CDH13: variants seen among roughly 807,000 people sequenced by gnomAD.
CDH13 encodes the protein cadherin 13.
In CDH13, 24 loss-of-function variants were observed where a neutral mutation model predicts 63.8. The ratio of observed to expected loss-of-function variants is 0.38; its 90% CI spans 0.27 to 0.53. CDH13 has a LOEUF of 0.53. Among genes scored for constraint, CDH13 ranks in the 20% least tolerant of loss-of-function variants. The pLI is 0.85. For synonymous variants in CDH13, 503 were observed against 355.3 expected, an observed-to-expected ratio of 1.42 and a Z score of -4.67; for missense variants, 1,049 against 903.1, an observed-to-expected ratio of 1.16 and a Z score of -2.07.
At chr16:82,715,092 G>A (rs2032266923) in intron 1 of CDH13, among the ~76,000 whole-genome samples, 1 of 149,442 alleles carries the variant, frequency 6.7e-6, no homozygotes, top group Admixed American at 6.8e-5. Flanking sequence ...TGGGAACTTA[G>A]ACAGGACCCT....
At chr16:82,870,298 C>T (rs2040298213) in intron 2 of CDH13, among the ~76,000 whole-genome samples, 2 of 151,956 alleles carry the variant, frequency 1.3e-5, no homozygotes, top group Non-Finnish European at 2.9e-5. Flanking sequence ...TGGCTTTTAT[C>T]CAAAAGACGG....
chr16:82,765,368 A>G (rs1054863601), intron 1 of CDH13, among the ~76,000 whole-genome samples: 3 of 152,184 alleles, frequency 2.0e-5, no homozygotes, highest in Admixed American at 1.3e-4. Context: ...CTTTAGCTCA[A>G]TTCAACAAGT....
At chr16:83,438,031 C>G (rs956240570) in intron 6 of CDH13, among the ~76,000 whole-genome samples, 4 of 152,128 alleles carry the variant, frequency 2.6e-5, no homozygotes, top group Admixed American at 6.5e-5. Flanking sequence ...CCTCACCGGT[C>G]TCCCTACTCT....
At chr16:83,368,468 C>A (rs1305278210) in intron 6 of CDH13, among the ~76,000 whole-genome samples, 1 of 152,060 alleles carries the variant, frequency 6.6e-6, no homozygotes, top group Non-Finnish European at 1.5e-5. Flanking sequence ...ATTCACCATG[C>A]CTAGTTGTTT....
chr16:82,659,178 G>A (rs889836573), intron 1 of CDH13, among the ~76,000 whole-genome samples: 1 of 152,206 alleles, frequency 6.6e-6, no homozygotes, highest in African/African-American at 2.4e-5. Context: ...TAGCACCTGA[G>A]TTAGAATCCG....
At chr16:83,136,826 A>C (rs2036311599) in intron 4 of CDH13, among the ~76,000 whole-genome samples, 1 of 152,206 alleles carries the variant, frequency 6.6e-6, no homozygotes, top group Non-Finnish European at 1.5e-5. Flanking sequence ...TGAGATTCCA[A>C]AGTTCAAAGT....
In CDH13 at chr16:83,043,799, T is replaced by G. The variant is rs186323319; in HGVS notation, c.366+11581T>G. On this transcript the variant is annotated intron_variant, in intron 3 of 13. Transcript: ENST00000567109. ...GCTAGGTCATGCCATTGCACTCTAG[T>G]CTGGGCAACGGAGCAAGTGTGACTC... Among the ~76,000 whole-genome samples, 268 of 151,184 alleles carry G rather than the reference T, an allele frequency of 1.8e-3. 1 individual carries two copies. The highest frequency in any genetic ancestry group is 2.7e-3 in the East Asian group (14 of 5,134).
At chr16:82,681,690 A>G (rs1452114316) in intron 1 of CDH13, among the ~76,000 whole-genome samples, 1 of 152,178 alleles carries the variant, frequency 6.6e-6, no homozygotes, top group Non-Finnish European at 1.5e-5. Context: ...AGCTTCCAGT[A>G]GCCAGCGCCT....
chr16:82,673,376 C>A (rs1388994752), intron 1 of CDH13, among the ~76,000 whole-genome samples: 1 of 152,146 alleles, frequency 6.6e-6, no homozygotes, highest in African/African-American at 2.4e-5. Context: ...CTAGTTCTCT[C>A]TAGAAACTCA....
chr16:82,777,416 T>C (rs571708169), intron 1 of CDH13, among the ~76,000 whole-genome samples: 2 of 152,326 alleles, frequency 1.3e-5, no homozygotes, highest in East Asian at 3.9e-4. Flanking sequence ...GTCACCGGGC[T>C]TTAATTTTGC....
chr16:82,748,457 C>T (rs755103810), intron 1 of CDH13, among the ~76,000 whole-genome samples: 1 of 152,136 alleles, frequency 6.6e-6, no homozygotes, highest in Non-Finnish European at 1.5e-5. Flanking sequence ...GTAGTGTCAT[C>T]AGCAGAAAGA....
chr16:83,729,694 G>A (rs1910825281), intron 10 of CDH13, among the ~76,000 whole-genome samples: 2 of 152,182 alleles, frequency 1.3e-5, no homozygotes, highest in Admixed American at 6.5e-5. Flanking sequence ...ACTTAAATAA[G>A]CTGACCCATG....
chr16:83,492,847 A>G (rs2074045862), intron 7 of CDH13, among the ~76,000 whole-genome samples: 1 of 152,158 alleles, frequency 6.6e-6, no homozygotes, highest in Non-Finnish European at 1.5e-5. Context: ...GATGAGTCTC[A>G]GGACTCCACT....
intron 1 of CDH13, among the ~76,000 whole-genome samples, chr16:82,778,128 G>C (rs2035583610): frequency 6.6e-6 from 1 of 152,148 alleles, no homozygotes; most frequent in Non-Finnish European, 1.5e-5. Flanking sequence ...GCCAGCCACT[G>C]CCTACTACAA....
intron 1 of CDH13, among the ~76,000 whole-genome samples, chr16:82,784,579 T>C (rs2035915021): frequency 6.6e-6 from 1 of 152,182 alleles, no homozygotes. Flanking sequence ...TGCCCACACA[T>C]GGTTAGAACC....
At chr16:83,400,877 C>T (rs1388911611) in intron 6 of CDH13, among the ~76,000 whole-genome samples, 3 of 152,118 alleles carry the variant, frequency 2.0e-5, no homozygotes, top group African/African-American at 7.2e-5. Flanking sequence ...GTAAGCCAGT[C>T]TGTTAGTATC....
chr16:83,191,462 T>C (rs868354217), intron 4 of CDH13, among the ~76,000 whole-genome samples: 1 of 105,566 alleles, frequency 9.5e-6, no homozygotes, highest in African/African-American at 3.7e-5. Flanking sequence ...ATAGGAAATA[T>C]ATATATATAT....
chr16:83,470,246 G>C (rs557139136), intron 6 of CDH13, among the ~76,000 whole-genome samples: 3 of 152,026 alleles, frequency 2.0e-5, no homozygotes, highest in Non-Finnish European at 4.4e-5. Context: ...TTTAGAGAAA[G>C]GTGTCTCACC....
At chr16:82,930,741 C>A (rs558698618) in intron 2 of CDH13, among the ~76,000 whole-genome samples, 1 of 152,238 alleles carries the variant, frequency 6.6e-6, no homozygotes, top group South Asian at 2.1e-4. Flanking sequence ...AGCTATAAAG[C>A]ATTGGTGATG....
Sources: allele counts gnomAD v4.1 joint callset (sites outside exome capture counted in the v4.1 genomes callset), GRCh38; gene constraint gnomAD v4.1.1; transcripts MANE v1.5; gene names NCBI Gene and HGNC (gene_info 2026-07-23, HGNC 2026-07-21).